The following PWWP3A variants were observed in gnomAD, a reference collection of about 807,000 sequenced individuals.
PWWP3A encodes PWWP domain containing 3A, DNA repair factor, also known as PWWP domain-containing DNA repair factor 3A.
PWWP3A carries 53 observed loss-of-function variants against 79.0 expected under a neutral mutation model. The ratio of observed to expected loss-of-function variants is 0.67; its 90% CI spans 0.54 to 0.84. The LOEUF is 0.84. Among genes scored for constraint, PWWP3A ranks in the 40% least tolerant of loss-of-function variants. The pLI, the probability that PWWP3A is intolerant of heterozygous loss-of-function variation, is 0.00. For missense variants in PWWP3A, 973 were observed against 948.0 expected (o/e 1.03, Z -0.35); for synonymous variants, 443 against 394.4 (o/e 1.12, Z -1.46).
At chr19:1,363,084 C>T (rs2082054858) in intron 6 of PWWP3A, among the ~76,000 whole-genome samples, 1 of 152,254 alleles carries the variant, frequency 6.6e-6, no homozygotes, top group Non-Finnish European at 1.5e-5. Flanking sequence ...GGGGGCTTCT[C>T]ACCCGGGCTT....
chr19:1,375,438 C>CATAT (rs147392012), intron 13 of PWWP3A, among the ~76,000 whole-genome samples: 1 of 127,944 alleles, frequency 7.8e-6, no homozygotes, highest in Non-Finnish European at 1.6e-5. Flanking sequence ...TATATATAGC[C>CATAT]ATATATATTT....
intron 2 of PWWP3A, 111 bp from the exon 3 acceptor site, chr19:1,356,898 C>T (rs1462832137): frequency 1.3e-6 from 1 of 783,256 alleles, no homozygotes; most frequent in Non-Finnish European, 2.1e-6. Flanking sequence ...TATCTGAAAT[C>T]CCATGGTTAT....
In PWWP3A at chr19:1,360,244, G is replaced by C. The variant is rs763947982; in HGVS notation, c.323G>C (p.Ser108Thr). Residue 108 changes from serine to threonine, a missense_variant, in exon 5 of 14, where the codon AGC becomes ACC. Transcript: ENST00000591337. This position sits in a 1 kb window ranked among gnomAD's most constrained non-coding sequence, Gnocchi z 4.4. Reference sequence around the variant, plus strand: ...GAGGGCTCGATTTGGAGTCAAGAAAGCTCTGCAGGGACAGGTAGAGCTGAC... The same window carrying C: ...GAGGGCTCGATTTGGAGTCAAGAAACCTCTGCAGGGACAGGTAGAGCTGAC... ...LSEGSIWSQE[S>T]SAGTGRADRS... is the part of the protein sequence containing the mutation. 6.2e-7 allele frequency: 1 copy of C among 1,614,102 alleles called. No individual in the cohort carries two copies. Among genetic ancestry groups the C allele is most frequent in the South Asian group, 1.1e-5 (1 of 91,066 alleles).
At position 1,366,356 on chromosome 19, in the gene PWWP3A, G is replaced by T. The variant is rs2082128123; in HGVS notation, c.1336G>T (p.Gly446Ter). Residue 446 changes from glycine to a stop codon, truncating the protein, a stop_gained, in exon 8 of 14, where the codon GGA becomes TGA. Transcript: ENST00000591337. LOFTEE classifies it high-confidence loss of function. ...GAAAGCAAGTGTGCTATACATCGAA[G>T]GACACATGAACCCGAAAATGAAAGG... ...DKKASVLYIE[G>*]HMNPKMKGFT... 6.2e-7 allele frequency: 1 copy of T among 1,614,110 alleles called. No homozygotes were observed. Among genetic ancestry groups the T allele is most frequent in the Non-Finnish European group, 8.5e-7 (1 of 1,180,020 alleles).
chr19:1,361,503 A>G (rs1296962459), intron 5 of PWWP3A, among the ~76,000 whole-genome samples: 2 of 152,260 alleles, frequency 1.3e-5, no homozygotes, highest in African/African-American at 4.8e-5. Context: ...GGTTGCAGGC[A>G]AGCACTGTGA....
rs1056830432 is a variant in PWWP3A, at chr19:1,364,377, G to A, written c.1214-132G>A. ...CTTTCAGATTCTCCTGATCTTTTAA[G>A]CGAATGACACAAAGTCAGGTTTTAA... On this transcript the variant is annotated intron_variant, in intron 6 of 13. Coordinates refer to ENST00000591337, the MANE Select transcript of PWWP3A (RefSeq NM_001369789.1). 3 of 697,500 alleles carry A rather than the reference G, an allele frequency of 4.3e-6. No individual in the cohort carries two copies. The African/African-American group carries it at 5.4e-5, about 12-fold the overall frequency. 43.2% of individuals were successfully genotyped at this position (697,500 alleles called of 1,614,324 possible). A position where few individuals can be genotyped will look rare whatever the true frequency, so the allele number is the denominator to read the frequency against.
chr19:1,372,772 CAA>C, intron 12 of PWWP3A: 3 of 266,902 alleles, frequency 1.1e-5, no homozygotes, highest in East Asian at 7.4e-5. Flanking sequence ...AAACCGCCAC[CAA>C]AAAAAAAACT....
At chr19:1,364,646 A>G in intron 7 of PWWP3A, 67 bp downstream of exon 7, 5 of 1,171,824 alleles carry the variant, frequency 4.3e-6, no homozygotes, top group Admixed American at 2.3e-5. Flanking sequence ...TATTCCATCC[A>G]TCTTTAGTTC....
chr19:1,366,292 G>A lies in PWWP3A; in HGVS notation c.1285-13G>A. 6.2e-7 allele frequency: 1 copy of A among 1,613,298 alleles called. No individual in the cohort carries two copies. The highest frequency in any genetic ancestry group is 8.5e-7 in the Non-Finnish European group (1 of 1,179,348). ...TTTGTTTTGACGTTTTATTTTCTTGGATTTGTGAACAGGTCAAAAGCGTCA... is the reference window on the plus strand; with the variant it reads ...TTTGTTTTGACGTTTTATTTTCTTGAATTTGTGAACAGGTCAAAAGCGTCA... On this transcript the variant is annotated splice_polypyrimidine_tract_variant and intron_variant, in intron 7 of 13. Coordinates refer to ENST00000591337, the MANE Select transcript of PWWP3A (RefSeq NM_001369789.1).
rs1463653366 is a variant in PWWP3A, at chr19:1,370,712, C to T, written c.1620C>T (p.Ser540=). 3.4e-6 allele frequency: 5 copies of T among 1,463,406 alleles called. No homozygotes were observed. In the South Asian group the frequency reaches 4.3e-5, roughly 13 times the overall value. 90.7% of individuals were successfully genotyped at this position (1,463,406 alleles called of 1,614,324 possible). A position where few individuals can be genotyped will look rare whatever the true frequency, so the allele number is the denominator to read the frequency against. ...GTKLPQLSKG[S]PEEPVVGCPL... Reference sequence around the variant, plus strand: ...AGCTTCCTCAACTGAGCAAGGGGAGCCCCGAGGAGCCCGTGGTGGGGTGCC... The same window carrying T: ...AGCTTCCTCAACTGAGCAAGGGGAGTCCCGAGGAGCCCGTGGTGGGGTGCC... The change falls in exon 12 of 14, where the codon AGC becomes AGT. Residue 540 remains serine (S), a synonymous_variant. Transcript: ENST00000591337.
chr19:1,366,805 G>A (rs1225258060), intron 8 of PWWP3A, among the ~76,000 whole-genome samples: 1 of 152,240 alleles, frequency 6.6e-6, no homozygotes, highest in East Asian at 1.9e-4. Flanking sequence ...TGGATCAGCC[G>A]GCTGAAAGCA....
Position 1,354,975 on chromosome 19 carries a change from C to A in PWWP3A, c.-230C>A, listed in dbSNP as rs1272155591. 1.5e-5 allele frequency: 2 copies of A among 132,710 alleles called. No individual in the cohort carries two copies. Among genetic ancestry groups the A allele is most frequent in the East Asian group, 4.0e-4 (2 of 4,970 alleles). 8.2% of individuals were successfully genotyped at this position (132,710 alleles called of 1,614,324 possible). On this transcript the variant is annotated 5_prime_UTR_variant, in exon 1 of 14. Transcript: ENST00000591337. ...CCGCGAGGCAAGCCCCGCCCCCGGCCCCGCGGGGAGCGGCGGCGGCGGCGG... is the reference window on the plus strand; with the variant it reads ...CCGCGAGGCAAGCCCCGCCCCCGGCACCGCGGGGAGCGGCGGCGGCGGCGG...
At chr19:1,358,779 A>C (rs1019529025) in intron 4 of PWWP3A, 96 of 890,150 alleles carry the variant, frequency 1.1e-4, no homozygotes, top group Non-Finnish European at 1.4e-4. Context: ...ATAAGGGGGG[A>C]GGTCCTCCTT....
In PWWP3A at chr19:1,377,682, A is replaced by G. The variant is rs558771079; in HGVS notation, c.*1106A>G. On this transcript the variant is annotated 3_prime_UTR_variant, in exon 14 of 14. Transcript: ENST00000591337. ...ACGATGACTTGTCCATTCTCAGTGG[A>G]TGCTCCAGGCTGTGCCTACACAGCA... 2 of 152,336 alleles carry G rather than the reference A, an allele frequency of 1.3e-5. No homozygotes were observed. Among genetic ancestry groups the G allele is most frequent in the African/African-American group, 4.8e-5 (2 of 41,556 alleles). 9.4% of individuals were successfully genotyped at this position (152,336 alleles called of 1,614,324 possible). A position where few individuals can be genotyped will look rare whatever the true frequency, so the allele number is the denominator to read the frequency against.
Position 1,356,345 on chromosome 19 carries a change from G to A in PWWP3A, c.-48G>A, listed in dbSNP as rs1192283822. ...CCAGGACACATTGGCGTGAGACCTGGGAGTACGTTGTGCCAAATCATTGCC... is the reference window on the plus strand; with the variant it reads ...CCAGGACACATTGGCGTGAGACCTGAGAGTACGTTGTGCCAAATCATTGCC... On this transcript the variant is annotated 5_prime_UTR_variant, in exon 2 of 14. Coordinates refer to ENST00000591337, the MANE Select transcript of PWWP3A (RefSeq NM_001369789.1). The A allele has an allele frequency of 1.3e-6, 2 of 1,593,146 alleles. No homozygotes were observed. The highest frequency in any genetic ancestry group is 1.7e-6 in the Non-Finnish European group (2 of 1,161,082).
At chr19:1,363,303 T>C (rs2082060404) in intron 6 of PWWP3A, among the ~76,000 whole-genome samples, 1 of 152,222 alleles carries the variant, frequency 6.6e-6, no homozygotes, top group South Asian at 2.1e-4. Flanking sequence ...CTAATGCTAA[T>C]GGTCAGACTT....
chr19:1,362,226 A>C, intron 5 of PWWP3A, 24 bp from the exon 6 acceptor site: 1 of 1,586,680 alleles, frequency 6.3e-7, no homozygotes, highest in Non-Finnish European at 8.6e-7. Context: ...TGACCATGAA[A>C]GTCTAATATC....
chr19:1,358,195 A>G (rs1364297982), intron 3 of PWWP3A, 199 bp from the exon 4 acceptor site: 1 of 501,482 alleles, frequency 2.0e-6, no homozygotes, highest in Non-Finnish European at 3.5e-6. Context: ...AAAGGAAAAA[A>G]AAAAAAAAAC....
At chr19:1,373,337 GC>G in intron 13 of PWWP3A, 177 bp downstream of exon 13, 2 of 611,928 alleles carry the variant, frequency 3.3e-6, no homozygotes, top group Non-Finnish European at 5.8e-6. Context: ...GGTCACTCCT[GC>G]CCCCCAGGAA....
Sources: allele counts gnomAD v4.1 joint callset (sites outside exome capture counted in the v4.1 genomes callset), GRCh38; gene constraint gnomAD v4.1.1; non-coding constraint Gnocchi (gnomAD v3.1); transcripts MANE v1.5; gene names NCBI Gene and HGNC (gene_info 2026-07-23, HGNC 2026-07-21).